The following AAK1 variants were observed in gnomAD, a reference collection of about 807,000 sequenced individuals.
AAK1 encodes AP2-associated protein kinase 1.
Under a neutral mutation model 116.0 loss-of-function variants are expected in AAK1, and 37 were observed. The observed-to-expected ratio is 0.32, with a 90% CI of 0.25 to 0.42. AAK1 has a LOEUF of 0.42. AAK1 is among the 10% of genes least tolerant of loss of function. The pLI is 1.00. For synonymous variants in AAK1, 458 were observed against 439.9 expected, an observed-to-expected ratio of 1.04 and a Z score of -0.51; for missense variants, 919 against 1,170.6, an observed-to-expected ratio of 0.79 and a Z score of 3.14.
chr2:69,516,212 G>A (rs1676572895), intron 12 of AAK1, among the ~76,000 whole-genome samples: 1 of 151,806 alleles, frequency 6.6e-6, no homozygotes, highest in Admixed American at 6.6e-5. Context: ...AAATGGGCAA[G>A]GAAATCTTAA....
rs71397333 is a variant in AAK1, at chr2:69,518,411, GT to G, written c.1497+542del. ...AAAAAGCAGTCCTTAAAAAAAAATAGTTTTTTTTTTTTTTTTTTTTTTTTTG... is the reference window on the plus strand; with the variant it reads ...AAAAAGCAGTCCTTAAAAAAAAATAGTTTTTTTTTTTTTTTTTTTTTTTTG... On this transcript the variant is annotated intron_variant, in intron 12 of 21. Transcript: ENST00000409085. Among the ~76,000 whole-genome samples, 67 of 132,632 alleles carry G rather than the reference GT, an allele frequency of 5.1e-4. 3 individuals carry two copies. Among genetic ancestry groups the G allele is most frequent in the Non-Finnish European group, 6.5e-4 (40 of 61,946 alleles). 87.0% of individuals were successfully genotyped at this position (132,632 alleles called of 152,430 possible).
At chr2:69,633,035 TA>T (rs200796880) in intron 2 of AAK1, among the ~76,000 whole-genome samples, 2 of 137,116 alleles carry the variant, frequency 1.5e-5, no homozygotes, top group Non-Finnish European at 3.1e-5. Flanking sequence ...TCCGTCTCAA[TA>T]AAAAAAATAA....
At chr2:69,478,871 G>T in intron 20 of AAK1, 80 bp downstream of exon 20, 3 of 1,195,754 alleles carry the variant, frequency 2.5e-6, no homozygotes, top group South Asian at 1.3e-5. Flanking sequence ...AAAGACTTTT[G>T]ATAAGAAAAA....
chr2:69,497,442 C>T (rs1675795450), intron 16 of AAK1, among the ~76,000 whole-genome samples: 3 of 151,388 alleles, frequency 2.0e-5, no homozygotes, highest in Non-Finnish European at 2.9e-5. Flanking sequence ...GCTGGGATTA[C>T]AGGCACCTAC....
intron 13 of AAK1, among the ~76,000 whole-genome samples, chr2:69,510,918 C>T (rs552426437): frequency 6.6e-6 from 1 of 152,104 alleles, no homozygotes; most frequent in Non-Finnish European, 1.5e-5. Context: ...GTGATGTGGG[C>T]CATTTTCAAA....
intron 6 of AAK1, 187 bp downstream of exon 6, chr2:69,531,854 T>A (rs531294289): frequency 7.9e-7 from 1 of 1,269,864 alleles, no homozygotes; most frequent in South Asian, 1.5e-5. Flanking sequence ...CTCTGATGTA[T>A]GCCTGTAAAC....
intron 2 of AAK1, among the ~76,000 whole-genome samples, chr2:69,570,898 T>C (rs981059929): frequency 1.3e-5 from 2 of 152,168 alleles, no homozygotes; most frequent in African/African-American, 2.4e-5. Context: ...TTTCTGTATG[T>C]ACCCTGTACT....
intron 2 of AAK1, among the ~76,000 whole-genome samples, chr2:69,610,344 C>T (rs1674023350): frequency 6.6e-6 from 1 of 152,108 alleles, no homozygotes; most frequent in Non-Finnish European, 1.5e-5. Context: ...CATGACTACA[C>T]AAAAATTAAC....
chr2:69,464,816 A>C lies in AAK1; in HGVS notation c.*11053T>G, dbSNP rs933708038. 1 of 153,048 alleles carries C rather than the reference A, an allele frequency of 6.5e-6. No individual in the cohort carries two copies. The highest frequency in any genetic ancestry group is 2.4e-5 in the African/African-American group (1 of 41,456). The allele number at this position is 153,048 out of a possible 1,614,324, so 9.5% of individuals were successfully genotyped here. A position where few individuals can be genotyped will look rare whatever the true frequency, so the allele number is the denominator to read the frequency against. On this transcript the variant is annotated 3_prime_UTR_variant, in exon 22 of 22. Coordinates refer to ENST00000409085, the MANE Select transcript of AAK1 (RefSeq NM_014911.5). ...CCATAGACAGTCATGCACGAGAGCC[A>C]GCCTGGCTTGCACACAGACTGAGAA...
intron 2 of AAK1, among the ~76,000 whole-genome samples, chr2:69,565,663 G>A (rs1671832058): frequency 6.6e-6 from 1 of 152,266 alleles, no homozygotes; most frequent in Non-Finnish European, 1.5e-5. Flanking sequence ...AGGCAAGAGG[G>A]ACTGCCCACA....
At chr2:69,627,712 C>T (rs973404573) in intron 2 of AAK1, among the ~76,000 whole-genome samples, 1 of 152,226 alleles carries the variant, frequency 6.6e-6, no homozygotes, top group Admixed American at 6.5e-5. Context: ...TCTTCCTCCA[C>T]ACAGTCTCCT....
intron 17 of AAK1, among the ~76,000 whole-genome samples, chr2:69,489,799 T>C (rs72893600): frequency 6.6e-6 from 1 of 152,342 alleles, no homozygotes; most frequent in African/African-American, 2.4e-5. Context: ...ATTTGTGACA[T>C]CTGCAAGTTG....
At chr2:69,610,413 T>C (rs1033838386) in intron 2 of AAK1, among the ~76,000 whole-genome samples, 3 of 152,250 alleles carry the variant, frequency 2.0e-5, no homozygotes, top group East Asian at 3.9e-4. Context: ...AGAAAACATA[T>C]GGGAAAATCT....
chr2:69,531,959 C>G (rs1384030131), intron 6 of AAK1, 82 bp downstream of exon 6: 3 of 1,571,196 alleles, frequency 1.9e-6, no homozygotes, highest in Admixed American at 3.4e-5. Flanking sequence ...CTCTCCCCAC[C>G]CTGACCTTCT....
intron 16 of AAK1, among the ~76,000 whole-genome samples, chr2:69,499,565 C>T (rs138656326): frequency 1.2e-3 from 188 of 152,270 alleles, no homozygotes; most frequent in African/African-American, 4.3e-3. Flanking sequence ...TGACACCCAC[C>T]ACTTATTCCT....
intron 14 of AAK1, 39 bp from the exon 15 acceptor site, chr2:69,507,617 A>T (rs1676235806): frequency 6.6e-7 from 1 of 1,506,706 alleles, no homozygotes; most frequent in Non-Finnish European, 8.9e-7. Flanking sequence ...AAAAGATATA[A>T]AAGTTGAACA....
intron 6 of AAK1, among the ~76,000 whole-genome samples, chr2:69,531,441 A>C (rs1670251995): frequency 6.6e-6 from 1 of 152,178 alleles, no homozygotes; most frequent in Non-Finnish European, 1.5e-5. Flanking sequence ...CTGTTGACTT[A>C]TTAGTAGTAA....
intron 2 of AAK1, among the ~76,000 whole-genome samples, chr2:69,605,214 A>T (rs1371826216): frequency 6.6e-6 from 1 of 152,060 alleles, no homozygotes; most frequent in Non-Finnish European, 1.5e-5. Flanking sequence ...TTACTACTAA[A>T]AGCCAGCACA....
chr2:69,465,303 G>T lies in AAK1; in HGVS notation c.*10566C>A. 1.1e-6 allele frequency: 1 copy of T among 936,066 alleles called. No homozygotes were observed. The highest frequency in any genetic ancestry group is 1.4e-6 in the Non-Finnish European group (1 of 712,490). The allele number at this position is 936,066 out of a possible 1,614,324, so 58.0% of individuals were successfully genotyped here. ...TTGTTGACTCAAGAAATTCTGCTCT[G>T]ACGCAGGGAATTGAAATATAAGAAC... On this transcript the variant is annotated 3_prime_UTR_variant, in exon 22 of 22. Coordinates refer to ENST00000409085, the MANE Select transcript of AAK1 (RefSeq NM_014911.5).
Sources: allele counts gnomAD v4.1 joint callset (sites outside exome capture counted in the v4.1 genomes callset), GRCh38; gene constraint gnomAD v4.1.1; transcripts MANE v1.5; gene names NCBI Gene and HGNC (gene_info 2026-07-23, HGNC 2026-07-21).